CTC1: variants seen among roughly 807,000 people sequenced by gnomAD.
The protein encoded by CTC1 is CST complex subunit CTC1.
Under a neutral mutation model 136.3 loss-of-function variants are expected in CTC1, and 91 were observed. That is an observed-to-expected ratio of 0.67 (90% CI 0.56 to 0.79). CTC1 has a LOEUF of 0.79. Ranked by LOEUF, CTC1 falls within the 30% of genes least tolerant of loss-of-function variation. The pLI is 0.00. For synonymous variants in CTC1, 606 were observed against 613.8 expected, an observed-to-expected ratio of 0.99 and a Z score of 0.19; for missense variants, 1,432 against 1,498.1, an observed-to-expected ratio of 0.96 and a Z score of 0.73.
intron 1 of CTC1, 122 bp from the exon 2 acceptor site, chr17:8,243,270 A>C: frequency 2.3e-6 from 2 of 873,834 alleles, no homozygotes; most frequent in Non-Finnish European, 3.4e-6. Flanking sequence ...CTGTAATCCC[A>C]ACACTTTGGG....
intron 19 of CTC1, 35 bp from the exon 20 acceptor site, chr17:8,229,241 G>T (rs760433566): frequency 1.2e-6 from 2 of 1,614,038 alleles, no homozygotes; most frequent in Non-Finnish European, 1.7e-6. Context: ...AAGTCCTCTT[G>T]GTCCCATCAC....
At chr17:8,228,470 C>G (rs1567597031) in intron 22 of CTC1, 33 bp downstream of exon 22, 1 of 1,613,924 alleles carries the variant, frequency 6.2e-7, no homozygotes, top group Admixed American at 1.7e-5. Flanking sequence ...CATGATCCCC[C>G]TATCATCATG....
In CTC1 at chr17:8,234,847, G is replaced by A; in HGVS notation, c.1519C>T (p.Leu507=). The change falls in exon 9 of 23, where the codon CTG becomes TTG. Residue 507 remains leucine (L), a synonymous_variant. Coordinates refer to ENST00000651323, the MANE Select transcript of CTC1 (RefSeq NM_025099.6). ...GCTAGAAGATCCAGGGTAGGAGCCA[G>A]GAGTTGCAGTCCCAGGCTGGGGCTC... ...PGSPSLGLQL[L]APTLDLLAPP... The A allele has an allele frequency of 1.2e-6, 2 of 1,613,552 alleles. No homozygotes were observed. Among genetic ancestry groups the A allele is most frequent in the South Asian group, 1.1e-5 (1 of 90,978 alleles).
At position 8,227,746 on chromosome 17, in the gene CTC1, G is replaced by C. The variant is rs954743519; in HGVS notation, c.*434C>G. On this transcript the variant is annotated 3_prime_UTR_variant, in exon 23 of 23. Coordinates refer to ENST00000651323, the MANE Select transcript of CTC1 (RefSeq NM_025099.6). Reference sequence around the variant, plus strand: ...GCAAAGGGCTGAAATGATGATGAACGACTAGGAGTTCCTAGGAGGTGGACA... The same window carrying C: ...GCAAAGGGCTGAAATGATGATGAACCACTAGGAGTTCCTAGGAGGTGGACA... The C allele has an allele frequency of 6.4e-6, 1 of 156,102 alleles. No homozygotes were observed. Among genetic ancestry groups the C allele is most frequent in the Non-Finnish European group, 1.4e-5 (1 of 70,576 alleles). The allele number at this position is 156,102 out of a possible 1,614,324, so 9.7% of individuals were successfully genotyped here.
In CTC1 at chr17:8,230,303, C is replaced by G; in HGVS notation, c.2924G>C (p.Arg975Thr). 3 of 1,611,330 alleles carry G rather than the reference C, an allele frequency of 1.9e-6. No individual in the cohort carries two copies. The highest frequency in any genetic ancestry group is 2.5e-6 in the Non-Finnish European group (3 of 1,179,074). The change falls in exon 17 of 23, where the codon AGG becomes ACG. Residue 975 changes from arginine (R) to threonine (T), a missense_variant. Transcript: ENST00000651323. ...ARVHFSQLEKRVSRSHNVYCC... is the reference protein window; with the variant it reads ...ARVHFSQLEKTVSRSHNVYCC... ...CACTACACATCTTCACCTGGAAACC[C>G]TTTTCTCCAACTGGCTGAAGTGGAC...
At position 8,238,004 on chromosome 17, in the gene CTC1, C is replaced by A. The variant is rs1319187902; in HGVS notation, c.647+27G>T. 8 of 1,588,148 alleles carry A rather than the reference C, an allele frequency of 5.0e-6. No homozygotes were observed. In the South Asian group the frequency reaches 6.6e-5, roughly 13 times the overall value. On this transcript the variant is annotated intron_variant, in intron 4 of 22. Transcript: ENST00000651323. ...CATCATCCTTCAGTTTTACAGCGCCCCTGCCATGCCTAGAGGGGGAAATTA... is the reference window on the plus strand; with the variant it reads ...CATCATCCTTCAGTTTTACAGCGCCACTGCCATGCCTAGAGGGGGAAATTA...
intron 7 of CTC1, 138 bp downstream of exon 7, chr17:8,235,693 T>A: frequency 1.1e-6 from 1 of 902,182 alleles, no homozygotes; most frequent in Non-Finnish European, 1.6e-6. Flanking sequence ...GTCCAAGTTA[T>A]CCTTAGCAAA....
Position 8,231,918 on chromosome 17 carries a change from G to A in CTC1, c.2370C>T (p.Asp790=), listed in dbSNP as rs765241138. 5.0e-6 allele frequency: 8 copies of A among 1,613,468 alleles called. No individual in the cohort carries two copies. In the South Asian group the frequency reaches 5.5e-5, roughly 11 times the overall value. ...GWGLPEPQGN[D]DNDQKVHLIF... ...CCCAGTTTACCTTCTGATCATTGTCGTCATTTCCCTGGGGCTCGGGCAGCC... is the reference window on the plus strand; with the variant it reads ...CCCAGTTTACCTTCTGATCATTGTCATCATTTCCCTGGGGCTCGGGCAGCC... The change falls in exon 13 of 23, where the codon GAC becomes GAT. Residue 790 remains aspartate, a synonymous_variant. Transcript: ENST00000651323.
rs779024546 is a variant in CTC1, at chr17:8,229,430, T to G, written c.3028A>C (p.Ile1010Leu). ...ETTISIPLPH[I>L]YLAELLQGGQ... ...CCCTGCAGAAGTTCAGCCAGGTAGA[T>G]GTGGGGCAGGGGAATGCTAAATAAA... Residue 1010 changes from isoleucine (I) to leucine (L), a missense_variant, in exon 19 of 23, where the codon ATC becomes CTC. Transcript: ENST00000651323. 1 of 1,613,560 alleles carries G rather than the reference T, an allele frequency of 6.2e-7. No individual in the cohort carries two copies. Among genetic ancestry groups the G allele is most frequent in the African/African-American group, 1.3e-5 (1 of 75,006 alleles).
At position 8,237,460 on chromosome 17, in the gene CTC1, A is replaced by C; in HGVS notation, c.707T>G (p.Leu236Arg). Reference protein sequence around the residue: ...LAGSLVRLSALVKSKQKAYFI... With the variant: ...LAGSLVRLSARVKSKQKAYFI... ...GTAAGCTTTCTGTTTACTTTTCACC[A>C]GAGCACTCAATCGAACTAGACTCCC... The change falls in exon 5 of 23, where the codon CTG becomes CGG. Residue 236 changes from leucine (L) to arginine (R), a missense_variant. Transcript: ENST00000651323. The C allele has an allele frequency of 1.2e-6, 2 of 1,614,002 alleles. No homozygotes were observed. The highest frequency in any genetic ancestry group is 1.7e-6 in the Non-Finnish European group (2 of 1,179,972).
intron 1 of CTC1, chr17:8,247,785 C>CCA (rs1988882223): frequency 6.8e-6 from 4 of 586,472 alleles, no homozygotes; most frequent in Admixed American, 6.0e-5. Flanking sequence ...AGAGAGTGAA[C>CCA]GGAGACCAGT....
chr17:8,242,504 G>C (rs898473167), intron 2 of CTC1, among the ~76,000 whole-genome samples: 3 of 119,626 alleles, frequency 2.5e-5, no homozygotes, highest in Non-Finnish European at 3.3e-5. Context: ...ACGTTGCCTA[G>C]AACACTTTTG....
intron 2 of CTC1, among the ~76,000 whole-genome samples, chr17:8,242,557 TATATATATATATATATATATATACAC>T (rs1567620508): frequency 2.7e-5 from 2 of 74,506 alleles, no homozygotes; most frequent in African/African-American, 4.5e-5. Context: ...AAAAAAAATA[TATATATATATATATATATATATACAC>T]ATATATATAT....
chr17:8,230,761 T>C, intron 15 of CTC1, 110 bp from the exon 16 acceptor site: 10 of 887,590 alleles, frequency 1.1e-5, no homozygotes, highest in Non-Finnish European at 1.8e-5. Context: ...GAACTTCATA[T>C]ATAAAGTCCT....
chr17:8,235,709 C>G, intron 7 of CTC1, 122 bp downstream of exon 7: 1 of 1,069,938 alleles, frequency 9.3e-7, no homozygotes, highest in Non-Finnish European at 1.3e-6. Context: ...GCAAAAGTGC[C>G]CCCTAACACA....
At chr17:8,228,662 T>C (rs1319126797) in intron 21 of CTC1, 33 bp from the exon 22 acceptor site, 1 of 1,613,940 alleles carries the variant, frequency 6.2e-7, no homozygotes, top group East Asian at 2.2e-5. Context: ...AACTGGCTCC[T>C]AAACCCTTTG....
intron 2 of CTC1, among the ~76,000 whole-genome samples, chr17:8,239,131 G>A (rs1331723098): frequency 4.6e-5 from 7 of 151,962 alleles, no homozygotes; most frequent in Admixed American, 1.3e-4. Context: ...AATAAGGATG[G>A]GATCTGAGTC....
chr17:8,237,227 G>A (rs1987805943), intron 5 of CTC1, 148 bp downstream of exon 5: 1 of 816,046 alleles, frequency 1.2e-6, no homozygotes, highest in Admixed American at 2.5e-5. Flanking sequence ...ACATTTCCCG[G>A]AATCTTCTCC....
chr17:8,241,743 T>C (rs1180780881), intron 2 of CTC1, among the ~76,000 whole-genome samples: 1 of 150,142 alleles, frequency 6.7e-6, no homozygotes, highest in Non-Finnish European at 1.5e-5. Flanking sequence ...GTCCTAGCTA[T>C]GTGGGAGGCT....
Sources: gnomAD v4.1 joint callset for allele counts (sites outside exome capture counted in the v4.1 genomes callset) on GRCh38, gnomAD v4.1.1 for gene constraint, MANE v1.5 for transcripts, NCBI Gene and HGNC (gene_info 2026-07-23, HGNC 2026-07-21) for gene names.